The following PSD3 variants were observed in gnomAD, a reference collection of about 807,000 sequenced individuals.
PSD3 encodes pleckstrin and Sec7 domain containing 3, also known as PH and SEC7 domain-containing protein 3.
PSD3 carries 49 observed loss-of-function variants against 105.5 expected under a neutral mutation model. That is an observed-to-expected ratio of 0.46 (90% CI 0.37 to 0.59). PSD3 has a LOEUF of 0.59. Among genes scored for constraint, PSD3 ranks in the 20% least tolerant of loss-of-function variants. The pLI is 0.00. For missense variants in PSD3, 1,561 were observed against 1,263.8 expected (o/e 1.24, Z -3.57); for synonymous variants, 557 against 457.8 (o/e 1.22, Z -2.77).
At chr8:18,752,483 TATATATATA>T (rs1161415209) in intron 9 of PSD3, among the ~76,000 whole-genome samples, 4 of 37,212 alleles carry the variant, frequency 1.1e-4, no homozygotes, top group East Asian at 6.6e-4. Context: ...TATATATTAT[TATATATATA>T]ATATATATAA....
At chr8:18,811,272 A>G (rs758662348) in intron 4 of PSD3, among the ~76,000 whole-genome samples, 3 of 152,198 alleles carry the variant, frequency 2.0e-5, no homozygotes, top group South Asian at 2.1e-4. Flanking sequence ...TGAGACTCCA[A>G]TGCTTTACTA....
chr8:18,547,891 C>T (rs1800539633), intron 15 of PSD3, among the ~76,000 whole-genome samples: 1 of 152,170 alleles, frequency 6.6e-6, no homozygotes, highest in East Asian at 1.9e-4. Flanking sequence ...AATAAGCTTT[C>T]TGCCATGTTC....
chr8:18,873,741 ACCAGTC>A (rs1817544191), intron 2 of PSD3, among the ~76,000 whole-genome samples: 1 of 152,102 alleles, frequency 6.6e-6, no homozygotes, highest in Non-Finnish European at 1.5e-5. Context: ...CCCACCACCC[ACCAGTC>A]CCTGGTAACC....
chr8:18,612,419 C>A (rs1302368016), intron 11 of PSD3, among the ~76,000 whole-genome samples: 1 of 151,648 alleles, frequency 6.6e-6, no homozygotes, highest in Non-Finnish European at 1.5e-5. Context: ...TGTTGCCAGA[C>A]TGGAGAGCAG....
At chr8:18,852,110 T>G (rs997031504) in intron 4 of PSD3, among the ~76,000 whole-genome samples, 1 of 152,170 alleles carries the variant, frequency 6.6e-6, no homozygotes, top group African/African-American at 2.4e-5. Flanking sequence ...TTACAAAAAT[T>G]TCCCTTGACT....
At chr8:18,937,593 C>T (rs114156729) in intron 1 of PSD3, among the ~76,000 whole-genome samples, 21 of 152,292 alleles carry the variant, frequency 1.4e-4, no homozygotes, top group Admixed American at 4.6e-4. Context: ...ACAGCAATTT[C>T]TTAAAAGAGC....
intron 14 of PSD3, among the ~76,000 whole-genome samples, chr8:18,557,972 A>G (rs6981504): frequency 0.16 from 23,810 of 152,178 alleles, 2,096 homozygotes; most frequent in East Asian, 0.38. Flanking sequence ...AGAGTGGGGC[A>G]TATATCCAAT....
At chr8:18,892,100 T>C (rs1246926497) in intron 2 of PSD3, among the ~76,000 whole-genome samples, 5 of 152,096 alleles carry the variant, frequency 3.3e-5, no homozygotes, top group Admixed American at 2.6e-4. Flanking sequence ...TTTTACATTA[T>C]TTGCACTTTT....
intron 1 of PSD3, among the ~76,000 whole-genome samples, chr8:18,968,378 T>G (rs1214771862): frequency 6.6e-6 from 1 of 152,230 alleles, no homozygotes; most frequent in Non-Finnish European, 1.5e-5. Flanking sequence ...CTAAATCAAT[T>G]GTCCTCGTTC....
At chr8:18,990,616 C>A (rs1445772912) in intron 1 of PSD3, among the ~76,000 whole-genome samples, 1 of 152,192 alleles carries the variant, frequency 6.6e-6, no homozygotes, top group African/African-American at 2.4e-5. Context: ...CTGGCAACTT[C>A]TCCTCATCCC....
chr8:18,535,750 A>T lies in PSD3; in HGVS notation c.3137T>A (p.Val1046Asp), dbSNP rs1563297637. The change falls in exon 16 of 16, where the codon GTT becomes GAT. Residue 1046 changes from valine (V) to aspartate (D), a missense_variant. Val to Asp is a radical substitution (Grantham distance 152). Transcript: ENST00000327040. Reference protein sequence around the residue: ...RPETPSIKQKVT With the variant: ...RPETPSIKQKDT ...CCTGGCCGCAGATGGACTCTAAGTA[A>T]CTTTTTGCTTAATGCTTGGTGTTTC... is the stretch of plus-strand genomic sequence containing the variant. 1 of 1,610,764 alleles carries T rather than the reference A, an allele frequency of 6.2e-7. No homozygotes were observed. The highest frequency in any genetic ancestry group is 1.7e-5 in the Admixed American group (1 of 60,014).
chr8:18,645,355 G>C (rs1807953494), intron 10 of PSD3, among the ~76,000 whole-genome samples: 2 of 152,072 alleles, frequency 1.3e-5, no homozygotes, highest in Non-Finnish European at 2.9e-5. Flanking sequence ...CTTTACTGTA[G>C]AAAACTCTAA....
intron 4 of PSD3, among the ~76,000 whole-genome samples, chr8:18,816,549 G>A (rs1379249944): frequency 6.6e-6 from 1 of 152,114 alleles, no homozygotes; most frequent in Admixed American, 6.5e-5. Flanking sequence ...TGTTTACTAT[G>A]GTTGCATAAT....
rs573404050 is a variant in PSD3 at position 18,784,248 on chromosome 8, A to G, written c.2082+15047T>C. On this transcript the variant is annotated intron_variant, in intron 8 of 15. Transcript: ENST00000327040. ...GTGGTGATTCTAAGCATTATTTAAT[A>G]TACGGTGCTAATTTCTCAATAAAAC... 3.3e-5 allele frequency among the ~76,000 whole-genome samples: 5 copies of G among 152,296 alleles called. No homozygotes were observed. In the South Asian group the frequency reaches 1.0e-3, roughly 32 times the overall value.
chr8:18,669,930 AAC>A (rs1484715003), intron 9 of PSD3, among the ~76,000 whole-genome samples: 1 of 152,216 alleles, frequency 6.6e-6, no homozygotes, highest in Admixed American at 6.5e-5. Context: ...TATTCAGTTG[AAC>A]AGTTATTTAT....
intron 2 of PSD3, among the ~76,000 whole-genome samples, chr8:18,900,643 C>CTTT (rs34004085): frequency 8.8e-4 from 74 of 83,946 alleles, no homozygotes; most frequent in South Asian, 1.9e-3. Context: ...AGAGACAACT[C>CTTT]TTTTTTTTTT....
At chr8:18,851,217 C>T (rs1168478812) in intron 4 of PSD3, among the ~76,000 whole-genome samples, 2 of 152,198 alleles carry the variant, frequency 1.3e-5, no homozygotes. Context: ...TCCCATCTTG[C>T]AAGTAAAGAA....
Position 18,594,674 on chromosome 8 carries a change from G to A in PSD3, c.2481+5690C>T, listed in dbSNP as rs565680884. On this transcript the variant is annotated intron_variant, in intron 12 of 15. Transcript: ENST00000327040. ...GTGGGAGATTTGTTCTAGGACCCCT[G>A]ATGGACACCAAAATCCATGGATGCT... 2.0e-5 allele frequency among the ~76,000 whole-genome samples: 3 copies of A among 151,344 alleles called. No homozygotes were observed. The Admixed American group carries it at 2.0e-4, about 10-fold the overall frequency.
At chr8:18,578,444 C>A (rs1291707905) in intron 12 of PSD3, among the ~76,000 whole-genome samples, 1 of 152,060 alleles carries the variant, frequency 6.6e-6, no homozygotes, top group Non-Finnish European at 1.5e-5. Flanking sequence ...TGTTACAATA[C>A]CCTCCTGGTT....
Sources: gnomAD v4.1 joint callset for allele counts (sites outside exome capture counted in the v4.1 genomes callset) on GRCh38, gnomAD v4.1.1 for gene constraint, MANE v1.5 for transcripts, NCBI Gene and HGNC (gene_info 2026-07-23, HGNC 2026-07-21) for gene names.